LRRC49: variants seen among roughly 807,000 people sequenced by gnomAD.
LRRC49 encodes the protein leucine-rich repeat-containing protein 49.
A neutral mutation model predicts 83.3 loss-of-function variants in LRRC49; 50 were observed. The ratio of observed to expected loss-of-function variants is 0.60; its 90% CI spans 0.48 to 0.76. The LOEUF is 0.76. Ranked by LOEUF, LRRC49 falls within the 30% of genes least tolerant of loss-of-function variation. The probability of loss-of-function intolerance (pLI) is 0.00; values close to 1 mark genes in which losing one functional copy is unlikely to be tolerated. For synonymous variants in LRRC49, 286 were observed against 283.3 expected, an observed-to-expected ratio of 1.01 and a Z score of -0.10; for missense variants, 704 against 809.1, an observed-to-expected ratio of 0.87 and a Z score of 1.58.
At chr15:71,049,082 C>A (rs2141316865) in intron 15 of LRRC49, among the ~76,000 whole-genome samples, 1 of 152,288 alleles carries the variant, frequency 6.6e-6, no homozygotes, top group East Asian at 1.9e-4. Context: ...CTGCATTCAG[C>A]TGACTTGTGT....
upstream of LRRC49, among the ~76,000 whole-genome samples, chr15:70,891,662 T>C (rs944504195): frequency 1.3e-5 from 2 of 150,508 alleles, no homozygotes; most frequent in Non-Finnish European, 2.9e-5. Context: ...ACTGGGTCAC[T>C]TAATTCCAAA....
chr15:71,019,790 A>G (rs950802833), intron 14 of LRRC49, among the ~76,000 whole-genome samples: 1 of 152,198 alleles, frequency 6.6e-6, no homozygotes, highest in African/African-American at 2.4e-5. Flanking sequence ...AAAGATTTAA[A>G]TATCACTGTC....
intron 15 of LRRC49, among the ~76,000 whole-genome samples, chr15:71,044,886 CTTTTTTTTTT>C (rs71152326): frequency 6.7e-5 from 5 of 74,460 alleles, no homozygotes; most frequent in African/African-American, 2.6e-4. Context: ...CAGAAACAAT[CTTTTTTTTTT>C]TTTTTTTTTT....
At chr15:70,884,112 A>T (rs139356842) in intron 2 of LRRC49, among the ~76,000 whole-genome samples, 117 of 152,286 alleles carry the variant, frequency 7.7e-4, no homozygotes, top group Middle Eastern at 3.4e-3. Flanking sequence ...GGGAGGAGAG[A>T]AAGTAAGTGA....
At chr15:70,945,189 G>C (rs2035964805) in intron 8 of LRRC49, among the ~76,000 whole-genome samples, 1 of 152,122 alleles carries the variant, frequency 6.6e-6, no homozygotes, top group Non-Finnish European at 1.5e-5. Context: ...TGAGACCTCT[G>C]TTCTGTCTCT....
chr15:70,992,038 G>C (rs2037900508), intron 11 of LRRC49, among the ~76,000 whole-genome samples: 1 of 152,140 alleles, frequency 6.6e-6, no homozygotes, highest in South Asian at 2.1e-4. Flanking sequence ...AGCTCTTTCA[G>C]CTACAAAAAT....
At chr15:70,933,780 G>T (rs984991215) in intron 7 of LRRC49, among the ~76,000 whole-genome samples, 6 of 152,154 alleles carry the variant, frequency 3.9e-5, no homozygotes, top group African/African-American at 1.4e-4. Context: ...AATGAAAATG[G>T]ATACATTTAT....
At chr15:70,979,634 T>C (rs1228319549) in intron 9 of LRRC49, among the ~76,000 whole-genome samples, 1 of 152,050 alleles carries the variant, frequency 6.6e-6, no homozygotes, top group African/African-American at 2.4e-5. Flanking sequence ...TGGGGAGTAA[T>C]TTATTAATAT....
At chr15:70,912,966 C>T (rs139769472) in intron 6 of LRRC49, among the ~76,000 whole-genome samples, 134 of 152,270 alleles carry the variant, frequency 8.8e-4, no homozygotes, top group Non-Finnish European at 1.0e-3. Context: ...CATGAGCCAC[C>T]GTGCCCAGCT....
chr15:70,984,070 T>C (rs763063773), intron 10 of LRRC49, 24 bp from the exon 11 acceptor site: 1 of 1,606,480 alleles, frequency 6.2e-7, no homozygotes, highest in Non-Finnish European at 8.5e-7. Flanking sequence ...TATATAACTT[T>C]TGTCACAATT....
intron 14 of LRRC49, among the ~76,000 whole-genome samples, chr15:71,030,464 C>T (rs1053182741): frequency 6.6e-6 from 1 of 152,132 alleles, no homozygotes; most frequent in Non-Finnish European, 1.5e-5. Flanking sequence ...TCCTTTGTTT[C>T]AACCTTGGAG....
intron 10 of LRRC49, among the ~76,000 whole-genome samples, chr15:70,983,229 TTC>T (rs1443055907): frequency 6.6e-6 from 1 of 152,178 alleles, no homozygotes; most frequent in Non-Finnish European, 1.5e-5. Flanking sequence ...TTAGCACAAT[TTC>T]TTTCAGTAGT....
chr15:70,854,845 A>G (rs2032611044), intron 1 of LRRC49, among the ~76,000 whole-genome samples: 1 of 152,186 alleles, frequency 6.6e-6, no homozygotes, highest in African/African-American at 2.4e-5. Flanking sequence ...GAAGTTCACA[A>G]AAGTTCGAAA....
intron 6 of LRRC49, among the ~76,000 whole-genome samples, chr15:70,915,931 A>G (rs1277259842): frequency 6.6e-6 from 1 of 152,214 alleles, no homozygotes; most frequent in Non-Finnish European, 1.5e-5. Flanking sequence ...TGAATATAAG[A>G]GTGTCCAAAT....
At chr15:70,989,453 G>A (rs760767082) in intron 11 of LRRC49, among the ~76,000 whole-genome samples, 25 of 151,876 alleles carry the variant, frequency 1.6e-4, no homozygotes, top group Non-Finnish European at 2.9e-4. Context: ...CATTCTTCAC[G>A]TAGTTCTCGA....
intron 1 of LRRC49, among the ~76,000 whole-genome samples, chr15:70,864,905 T>C (rs1001659789): frequency 2.0e-5 from 3 of 152,220 alleles, no homozygotes; most frequent in Non-Finnish European, 4.4e-5. Flanking sequence ...TCCATATCAT[T>C]AAGTCAGGGC....
intron 11 of LRRC49, among the ~76,000 whole-genome samples, chr15:71,006,109 G>A (rs1390366134): frequency 6.6e-6 from 1 of 152,134 alleles, no homozygotes; most frequent in Non-Finnish European, 1.5e-5. Context: ...TACCAAATGG[G>A]CATGTGATAG....
At chr15:70,954,744 C>G (rs1032551501) in intron 8 of LRRC49, among the ~76,000 whole-genome samples, 1 of 151,826 alleles carries the variant, frequency 6.6e-6, no homozygotes, top group Non-Finnish European at 1.5e-5. Flanking sequence ...CCCTGTGGGA[C>G]TGGGACTGGG....
chr15:71,033,549 A>G lies in LRRC49; in HGVS notation c.1704-3630A>G, dbSNP rs142610680. ...TTAGAAAAAAACTACTTTAAAATTT[A>G]TATGGAACCAAAAAAGAGCCCATAC... On this transcript the variant is annotated intron_variant, in intron 14 of 15. Coordinates refer to ENST00000260382, the MANE Select transcript of LRRC49 (RefSeq NM_017691.5). Among the ~76,000 whole-genome samples, 198 of 152,320 alleles carry G rather than the reference A, an allele frequency of 1.3e-3. 4 individuals carry two copies. The East Asian group carries it at 0.032, about 25-fold the overall frequency.
Sources: gnomAD v4.1 joint callset for allele counts (sites outside exome capture counted in the v4.1 genomes callset) on GRCh38, gnomAD v4.1.1 for gene constraint, MANE v1.5 for transcripts, NCBI Gene and HGNC (gene_info 2026-07-23, HGNC 2026-07-21) for gene names.